The following METTL25 variants were observed in gnomAD, a reference collection of about 807,000 sequenced individuals.
METTL25 encodes methyltransferase like 25.
A neutral mutation model predicts 71.6 loss-of-function variants in METTL25; 64 were observed. That is an observed-to-expected ratio of 0.89 (90% confidence interval 0.73 to 1.10). The LOEUF is 1.10. Among genes scored for constraint, METTL25 ranks in the 50% least tolerant of loss-of-function variants. The probability of loss-of-function intolerance (pLI) is 0.00; values close to 1 mark genes in which losing one functional copy is unlikely to be tolerated. For synonymous variants in METTL25, 287 were observed against 250.3 expected, an observed-to-expected ratio of 1.15 and a Z score of -1.38; for missense variants, 807 against 707.0, an observed-to-expected ratio of 1.14 and a Z score of -1.60.
rs565760561 is a variant in METTL25 at position 82,442,487 on chromosome 12, T to C, written c.1478+3696T>C. ...AACAGAAGCCAATCCCAAAAGGTTA[T>C]ATACCATATGATTCTATTTATATAC... On this transcript the variant is annotated intron_variant, in intron 8 of 11. Coordinates refer to ENST00000248306, the MANE Select transcript of METTL25 (RefSeq NM_032230.3). Among the ~76,000 whole-genome samples the C allele has an allele frequency of 3.9e-5, 6 of 152,290 alleles. No homozygotes were observed. In the South Asian group the frequency reaches 1.2e-3, roughly 32 times the overall value.
chr12:82,420,762 A>G (rs1300780222), intron 5 of METTL25, among the ~76,000 whole-genome samples: 1 of 152,064 alleles, frequency 6.6e-6, no homozygotes, highest in Admixed American at 6.6e-5. Flanking sequence ...CAATTGTACT[A>G]AGGATTGGGG....
In METTL25 at chr12:82,473,160, A is replaced by C. The variant is rs1262231595; in HGVS notation, c.1573-3484A>C. On this transcript the variant is annotated intron_variant, in intron 9 of 11. Transcript: ENST00000248306. ...TGGATAGTGGTGGGGCAGCTTTGCTAGGCATGGCCTCACTGTGCTGTTTCT... is the reference window on the plus strand; with the variant it reads ...TGGATAGTGGTGGGGCAGCTTTGCTCGGCATGGCCTCACTGTGCTGTTTCT... Among the ~76,000 whole-genome samples, 3 of 152,016 alleles carry C rather than the reference A, an allele frequency of 2.0e-5. No individual in the cohort carries two copies. The East Asian group carries it at 5.8e-4, about 30-fold the overall frequency.
At chr12:82,459,999 C>CT (rs1391507280) in intron 9 of METTL25, 1 of 152,206 alleles carries the variant, frequency 6.6e-6, no homozygotes, top group Non-Finnish European at 1.5e-5. Flanking sequence ...CCGCTGATGG[C>CT]TTCACCTTCA....
chr12:82,358,710 G>T lies in METTL25; in HGVS notation c.145G>T (p.Glu49Ter), dbSNP rs374380316. The change falls in exon 1 of 12, where the codon GAG becomes TAG. Residue 49 changes from glutamate (E) to a stop codon, truncating the protein, a stop_gained. Coordinates refer to ENST00000248306, the MANE Select transcript of METTL25 (RefSeq NM_032230.3). LOFTEE classifies it high-confidence loss of function. Reference protein sequence around the residue: ...VDFYTESVWEELVDLPPETVL... With the variant: ...VDFYTESVWE ...TTTCTACACAGAATCCGTGTGGGAG[G>T]AGCTGGTCGACTTGCCACCGGAGAC... The T allele has an allele frequency of 1.4e-5, 23 of 1,614,074 alleles. No homozygotes were observed. In the African/African-American group the frequency reaches 2.9e-4, roughly 21 times the overall value.
In METTL25 at chr12:82,362,335, A is replaced by G. The variant is rs1286164177; in HGVS notation, c.259+3511A>G. On this transcript the variant is annotated intron_variant, in intron 1 of 11. Coordinates refer to ENST00000248306, the MANE Select transcript of METTL25 (RefSeq NM_032230.3). The stretch of plus-strand genomic sequence containing the variant: ...TCAAATATTGACTCCAGCACTTAGT[A>G]GCTGTGCTAACTTGGGCAATTTACT... Among the ~76,000 whole-genome samples the G allele has an allele frequency of 3.9e-5, 6 of 152,358 alleles. No homozygotes were observed. The East Asian group carries it at 9.6e-4, about 24-fold the overall frequency.
At chr12:82,376,452 A>C (rs1490024578) in intron 1 of METTL25, among the ~76,000 whole-genome samples, 1 of 152,224 alleles carries the variant, frequency 6.6e-6, no homozygotes, top group Non-Finnish European at 1.5e-5. Flanking sequence ...TAAAAATTTC[A>C]ATGTCATTTT....
chr12:82,433,447 A>T (rs76100615), intron 6 of METTL25, among the ~76,000 whole-genome samples: 5,355 of 151,748 alleles, frequency 0.035, 317 homozygotes, highest in African/African-American at 0.12. Context: ...ACTTGGCTGT[A>T]GATGTTCAGT....
intron 9 of METTL25, among the ~76,000 whole-genome samples, chr12:82,463,118 A>G (rs1891998248): frequency 2.0e-5 from 3 of 151,978 alleles, no homozygotes; most frequent in African/African-American, 4.8e-5. Context: ...ACTATATAGT[A>G]TATTATTGTT....
intron 1 of METTL25, among the ~76,000 whole-genome samples, chr12:82,369,132 A>C (rs1428679580): frequency 6.6e-6 from 1 of 152,202 alleles, no homozygotes; most frequent in Non-Finnish European, 1.5e-5. Flanking sequence ...CTATATAATA[A>C]ATATTCACTC....
At chr12:82,445,865 G>C (rs1312464312) in intron 8 of METTL25, among the ~76,000 whole-genome samples, 1 of 152,144 alleles carries the variant, frequency 6.6e-6, no homozygotes, top group Non-Finnish European at 1.5e-5. Context: ...CAAAAAACTT[G>C]TACTATCTGT....
intron 5 of METTL25, among the ~76,000 whole-genome samples, chr12:82,418,958 A>G (rs1484539800): frequency 6.6e-6 from 1 of 152,156 alleles, no homozygotes; most frequent in Non-Finnish European, 1.5e-5. Flanking sequence ...AGTTAAAGCA[A>G]AAGGATCTAA....
intron 1 of METTL25, among the ~76,000 whole-genome samples, chr12:82,361,512 G>C (rs10778894): frequency 0.92 from 140,069 of 152,200 alleles, 64,815 homozygotes; most frequent in East Asian, 1. Context: ...GCCCACGGTG[G>C]GGGGGAGGGG....
At chr12:82,402,599 T>C (rs4334093) in intron 4 of METTL25, among the ~76,000 whole-genome samples, 1 of 152,132 alleles carries the variant, frequency 6.6e-6, no homozygotes, top group Admixed American at 6.5e-5. Context: ...AATAAAAACA[T>C]AGAATACTTT....
chr12:82,475,764 T>C (rs1193010063), intron 9 of METTL25, among the ~76,000 whole-genome samples: 1 of 152,168 alleles, frequency 6.6e-6, no homozygotes, highest in Non-Finnish European at 1.5e-5. Context: ...AATACTTATT[T>C]ATATGATAGG....
At chr12:82,420,818 A>T (rs1255487477) in intron 5 of METTL25, among the ~76,000 whole-genome samples, 2 of 151,842 alleles carry the variant, frequency 1.3e-5, no homozygotes, top group African/African-American at 4.8e-5. Context: ...GAGAAGAAGG[A>T]TTTTTTAAAC....
At chr12:82,413,082 G>A (rs941514735) in intron 5 of METTL25, among the ~76,000 whole-genome samples, 4 of 151,706 alleles carry the variant, frequency 2.6e-5, no homozygotes, top group African/African-American at 4.8e-5. Context: ...AATTCTTTTC[G>A]GTGACTCTCT....
chr12:82,382,139 C>G (rs1435676568), intron 1 of METTL25, among the ~76,000 whole-genome samples: 1 of 152,160 alleles, frequency 6.6e-6, no homozygotes, highest in Non-Finnish European at 1.5e-5. Flanking sequence ...TGAAAATGTT[C>G]AGTTGAGTTT....
intron 5 of METTL25, among the ~76,000 whole-genome samples, chr12:82,419,359 C>T (rs1010594474): frequency 1.3e-5 from 2 of 152,022 alleles, no homozygotes; most frequent in African/African-American, 4.8e-5. Flanking sequence ...ACTCCTGGGC[C>T]TTGAAGGGAA....
intron 5 of METTL25, among the ~76,000 whole-genome samples, chr12:82,424,138 A>G (rs1332339560): frequency 1.3e-5 from 2 of 152,214 alleles, no homozygotes; most frequent in Non-Finnish European, 1.5e-5. Flanking sequence ...AACCAACCCA[A>G]ATGTCCAACA....
Sources: gnomAD v4.1 joint callset for allele counts (sites outside exome capture counted in the v4.1 genomes callset) on GRCh38, gnomAD v4.1.1 for gene constraint, MANE v1.5 for transcripts, NCBI Gene and HGNC (gene_info 2026-07-23, HGNC 2026-07-21) for gene names.